Variants in AEBP2 observed in about 807,000 individuals in gnomAD.
AEBP2 encodes zinc finger protein AEBP2.
In AEBP2, 10 loss-of-function variants were observed where a neutral mutation model predicts 50.8. The ratio of observed to expected loss-of-function variants is 0.20; its 90% CI spans 0.12 to 0.33. The LOEUF (loss-of-function observed/expected upper bound fraction) is 0.33, where lower values mean the gene tolerates loss of function less well. Ranked by LOEUF, AEBP2 falls within the 10% of genes least tolerant of loss-of-function variation. AEBP2 has a pLI of 1.00. For synonymous variants in AEBP2, 296 were observed against 261.3 expected, an observed-to-expected ratio of 1.13 and a Z score of -1.28; for missense variants, 570 against 688.0, an observed-to-expected ratio of 0.83 and a Z score of 1.92.
chr12:19,509,845 T>TG (rs1949208335), intron 5 of AEBP2, among the ~76,000 whole-genome samples: 1 of 111,324 alleles, frequency 9.0e-6, no homozygotes. Context: ...TTTTTTTTTT[T>TG]TGAGATGGAG....
At chr12:19,464,676 TC>T in intron 2 of AEBP2, among the ~76,000 whole-genome samples, 1 of 151,990 alleles carries the variant, frequency 6.6e-6, no homozygotes, top group East Asian at 1.9e-4. Context: ...AACCTCTGCC[TC>T]CCGGGTTCAG....
intron 5 of AEBP2, among the ~76,000 whole-genome samples, chr12:19,509,477 T>C (rs1949201070): frequency 6.6e-6 from 1 of 152,200 alleles, no homozygotes; most frequent in African/African-American, 2.4e-5. Flanking sequence ...CTGGGTGCTG[T>C]GGCTCACACC....
chr12:19,419,889 C>T (rs1034355420), intron 1 of AEBP2, among the ~76,000 whole-genome samples: 10 of 152,106 alleles, frequency 6.6e-5, no homozygotes, highest in Non-Finnish European at 1.5e-4. Flanking sequence ...GAGATCGCAC[C>T]ACTGCGCTCC....
intron 3 of AEBP2, among the ~76,000 whole-genome samples, chr12:19,473,869 T>C (rs1336813857): frequency 6.6e-6 from 1 of 152,212 alleles, no homozygotes; most frequent in Non-Finnish European, 1.5e-5. Context: ...AATTTTTTTC[T>C]ATTTGAAGTA....
chr12:19,488,422 C>G (rs1948846423), intron 3 of AEBP2, among the ~76,000 whole-genome samples: 1 of 151,902 alleles, frequency 6.6e-6, no homozygotes, highest in Non-Finnish European at 1.5e-5. Flanking sequence ...GTCATCGCTC[C>G]TATCCATATT....
chr12:19,445,802 T>C (rs987663197), intron 1 of AEBP2: 2 of 152,230 alleles, frequency 1.3e-5, no homozygotes, highest in African/African-American at 4.8e-5. Context: ...CTATGACTGT[T>C]CTGTGGTGGG....
At chr12:19,413,495 C>A (rs973033991) in intron 1 of AEBP2, 4 of 877,738 alleles carry the variant, frequency 4.6e-6, no homozygotes, top group Non-Finnish European at 7.8e-6. Flanking sequence ...CTTAACAGAA[C>A]AATTCTAGGA....
intron 3 of AEBP2, among the ~76,000 whole-genome samples, chr12:19,489,990 CTTTTTT>C (rs71067029): frequency 0.012 from 563 of 47,666 alleles, 6 homozygotes; most frequent in African/African-American, 0.043. Flanking sequence ...TTAAAATAAA[CTTTTTT>C]TTTTTTTTTT....
chr12:19,477,055 A>G (rs1477731721), intron 3 of AEBP2, among the ~76,000 whole-genome samples: 3 of 152,024 alleles, frequency 2.0e-5, no homozygotes, highest in African/African-American at 7.2e-5. Context: ...ATTCCTAAGT[A>G]TTTTATTTTT....
chr12:19,495,356 A>G (rs1948960308), intron 4 of AEBP2, among the ~76,000 whole-genome samples: 1 of 152,254 alleles, frequency 6.6e-6, no homozygotes, highest in African/African-American at 2.4e-5. Context: ...ATTGATTAGT[A>G]TAGACAAGAC....
chr12:19,475,543 A>G (rs1948636231), intron 3 of AEBP2, among the ~76,000 whole-genome samples: 2 of 152,124 alleles, frequency 1.3e-5, no homozygotes, highest in South Asian at 2.1e-4. Context: ...TCTTTTTCAT[A>G]TAATGACTTT....
chr12:19,443,909 C>A (rs1005294873), intron 1 of AEBP2, among the ~76,000 whole-genome samples: 1 of 151,680 alleles, frequency 6.6e-6, no homozygotes, highest in African/African-American at 2.4e-5. Flanking sequence ...AAGTTTATAG[C>A]GTGTTTATTT....
chr12:19,422,165 T>C (rs2095746172), intron 1 of AEBP2, among the ~76,000 whole-genome samples: 2 of 152,080 alleles, frequency 1.3e-5, no homozygotes, highest in South Asian at 4.1e-4. Context: ...AAAGAAACTT[T>C]ATAAAACCAG....
chr12:19,440,130 C>A lies in AEBP2; in HGVS notation c.431C>A (p.Ala144Asp). Residue 144 changes from alanine (A) to aspartate (D), a missense_variant, in exon 1 of 8, where the codon GCC becomes GAC. By Grantham distance (126) the Ala-to-Asp change is moderately radical (BLOSUM62 -2). Coordinates refer to ENST00000266508, the MANE Select transcript of AEBP2 (RefSeq NM_153207.5). ...GAGACCCGCTCGTTGAGCCCCGGCG[C>A]CGCCAGCAGCAGCAGCGGGGATGGG... Reference protein sequence around the residue: ...SDETRSLSPGAASSSSGDGDG... With the variant: ...SDETRSLSPGDASSSSGDGDG... 1 of 1,504,406 alleles carries A rather than the reference C, an allele frequency of 6.6e-7. No individual in the cohort carries two copies. Among genetic ancestry groups the A allele is most frequent in the Non-Finnish European group, 8.8e-7 (1 of 1,133,194 alleles). 93.2% of individuals were successfully genotyped at this position (1,504,406 alleles called of 1,614,324 possible).
At chr12:19,470,231 C>A (rs925934377) in intron 2 of AEBP2, among the ~76,000 whole-genome samples, 1 of 151,398 alleles carries the variant, frequency 6.6e-6, no homozygotes, top group Non-Finnish European at 1.5e-5. Flanking sequence ...AATCTCAGCT[C>A]ACTGGAACCT....
chr12:19,503,851 A>G (rs192362192), intron 5 of AEBP2, among the ~76,000 whole-genome samples: 1 of 152,112 alleles, frequency 6.6e-6, no homozygotes. Flanking sequence ...TCCCTTTCCA[A>G]GACAGGGTCT....
At chr12:19,470,007 GT>G (rs767178579) in intron 2 of AEBP2, among the ~76,000 whole-genome samples, 101 of 152,196 alleles carry the variant, frequency 6.6e-4, no homozygotes, top group Non-Finnish European at 1.3e-3. Context: ...GCATAAAAAT[GT>G]TTTTCAGATA....
chr12:19,441,182 A>G (rs746556193), intron 1 of AEBP2, among the ~76,000 whole-genome samples: 4 of 152,236 alleles, frequency 2.6e-5, no homozygotes, highest in Non-Finnish European at 5.9e-5. Flanking sequence ...ATTTAAAGTC[A>G]TGCATTGGAG....
intron 2 of AEBP2, among the ~76,000 whole-genome samples, chr12:19,470,759 G>A (rs745652780): frequency 1.6e-4 from 25 of 152,160 alleles, no homozygotes; most frequent in Non-Finnish European, 2.6e-4. Context: ...GTGATTGAGT[G>A]TTGTTAGGTA....
Sources: allele counts gnomAD v4.1 joint callset (sites outside exome capture counted in the v4.1 genomes callset), GRCh38; gene constraint gnomAD v4.1.1; transcripts MANE v1.5; gene names NCBI Gene and HGNC (gene_info 2026-07-23, HGNC 2026-07-21).